Variants in CNTN5 observed in about 807,000 individuals in gnomAD.
CNTN5 encodes contactin 5, also known as contactin-5.
A neutral mutation model predicts 129.1 loss-of-function variants in CNTN5; 77 were observed. The ratio of observed to expected loss-of-function variants is 0.60; its 90% CI spans 0.50 to 0.72. The LOEUF is 0.72. CNTN5 is among the 30% of genes least tolerant of loss of function. The pLI, the probability that CNTN5 is intolerant of heterozygous loss-of-function variation, is 0.00. For missense variants in CNTN5, 1,478 were observed against 1,328.8 expected (o/e 1.11, Z -1.75); for synonymous variants, 509 against 465.6 (o/e 1.09, Z -1.20).
intron 1 of CNTN5, among the ~76,000 whole-genome samples, chr11:99,245,082 T>G (rs1203156424): frequency 6.6e-6 from 1 of 152,084 alleles, no homozygotes; most frequent in African/African-American, 2.4e-5. Flanking sequence ...CAATGAGGCA[T>G]ATGCAAAAAA....
At chr11:99,052,182 ATG>A (rs373164751) in intron 1 of CNTN5, among the ~76,000 whole-genome samples, 11 of 151,926 alleles carry the variant, frequency 7.2e-5, no homozygotes, top group Middle Eastern at 3.4e-3. Flanking sequence ...AATGGTATAA[ATG>A]TGTGTGTATA....
intron 1 of CNTN5, among the ~76,000 whole-genome samples, chr11:99,125,287 A>G (rs1187901133): frequency 1.3e-5 from 2 of 152,118 alleles, no homozygotes; most frequent in Non-Finnish European, 2.9e-5. Context: ...TTCCTGGGAC[A>G]TAAGGTTGGT....
intron 2 of CNTN5, among the ~76,000 whole-genome samples, chr11:99,416,622 C>A (rs540596534): frequency 6.6e-6 from 1 of 151,900 alleles, no homozygotes; most frequent in African/African-American, 2.4e-5. Context: ...TATCTGGGGC[C>A]GGTGTCATGG....
At chr11:99,602,704 C>G (rs971660678) in intron 3 of CNTN5, among the ~76,000 whole-genome samples, 1 of 151,518 alleles carries the variant, frequency 6.6e-6, no homozygotes, top group East Asian at 1.9e-4. Flanking sequence ...CCCTGTCTGA[C>G]AGCTTTGAAG....
intron 13 of CNTN5, among the ~76,000 whole-genome samples, chr11:100,151,427 A>C (rs759222855): frequency 2.1e-4 from 32 of 150,788 alleles, no homozygotes; most frequent in Non-Finnish European, 2.8e-4. Flanking sequence ...AGTTGCCAAA[A>C]TGAGAGTAGG....
chr11:100,101,786 C>T (rs1201550036), intron 13 of CNTN5, among the ~76,000 whole-genome samples: 2 of 152,126 alleles, frequency 1.3e-5, no homozygotes, highest in Non-Finnish European at 1.5e-5. Flanking sequence ...TATGCCTTTG[C>T]ATCCTCGTAG....
intron 1 of CNTN5, among the ~76,000 whole-genome samples, chr11:99,292,212 G>A (rs1204915133): frequency 1.3e-5 from 2 of 148,982 alleles, no homozygotes; most frequent in African/African-American, 5.0e-5. Flanking sequence ...CCTTTGACTA[G>A]GTATAAATAG....
chr11:100,298,397 C>G (rs939546261), intron 19 of CNTN5, among the ~76,000 whole-genome samples: 3 of 151,464 alleles, frequency 2.0e-5, no homozygotes, highest in African/African-American at 7.3e-5. Flanking sequence ...GACCAGATCT[C>G]TCTAAATGGA....
At chr11:99,990,525 ACT>A (rs778128256) in intron 8 of CNTN5, among the ~76,000 whole-genome samples, 4 of 151,214 alleles carry the variant, frequency 2.6e-5, no homozygotes, top group East Asian at 1.9e-4. Context: ...TAATGATAAA[ACT>A]CTCTAGGTTT....
chr11:100,088,337 T>C (rs12808003), intron 13 of CNTN5, among the ~76,000 whole-genome samples: 21,869 of 151,688 alleles, frequency 0.14, 1,828 homozygotes, highest in East Asian at 0.31. Flanking sequence ...ACTAGATAAA[T>C]AAAAACAAAC....
chr11:99,663,924 A>G (rs1217849427), intron 3 of CNTN5, among the ~76,000 whole-genome samples: 2 of 152,178 alleles, frequency 1.3e-5, no homozygotes, highest in Non-Finnish European at 2.9e-5. Flanking sequence ...TTTTAATAGC[A>G]ATCAAAAATT....
chr11:99,093,578 A>G (rs1001397556), intron 1 of CNTN5, among the ~76,000 whole-genome samples: 1 of 151,982 alleles, frequency 6.6e-6, no homozygotes, highest in Non-Finnish European at 1.5e-5. Context: ...AGCTAAATTT[A>G]CAATGCAGAG....
intron 7 of CNTN5, among the ~76,000 whole-genome samples, chr11:99,924,545 G>A (rs1337746385): frequency 6.6e-6 from 1 of 151,936 alleles, no homozygotes; most frequent in Non-Finnish European, 1.5e-5. Context: ...AGATCAATTG[G>A]TTGTGGGTAT....
chr11:100,268,129 A>G (rs975087284), intron 17 of CNTN5, among the ~76,000 whole-genome samples: 4 of 152,150 alleles, frequency 2.6e-5, no homozygotes, highest in Non-Finnish European at 4.4e-5. Flanking sequence ...AGCCTGAGAA[A>G]CCTTCATAAT....
rs146159635 is a variant in CNTN5 at position 99,221,615 on chromosome 11, G to A, written c.-209-103731G>A. 3.7e-3 allele frequency among the ~76,000 whole-genome samples: 555 copies of A among 151,812 alleles called. 2 individuals carry two copies. Among genetic ancestry groups the A allele is most frequent in the African/African-American group, 0.013 (533 of 41,458 alleles). ...TGTTGTATTAAAATTAATAATCATA[G>A]CCTTTTTAACTTTCTGTGTCCCAGG... On this transcript the variant is annotated intron_variant, in intron 1 of 24. Coordinates refer to ENST00000524871, the MANE Select transcript of CNTN5 (RefSeq NM_014361.4).
At chr11:100,024,139 G>A (rs942716876) in intron 9 of CNTN5, among the ~76,000 whole-genome samples, 2 of 152,110 alleles carry the variant, frequency 1.3e-5, no homozygotes, top group Admixed American at 6.5e-5. Flanking sequence ...GGAGGTAACT[G>A]AATCATGAAG....
At chr11:100,145,152 G>T (rs1161218868) in intron 13 of CNTN5, among the ~76,000 whole-genome samples, 1 of 152,068 alleles carries the variant, frequency 6.6e-6, no homozygotes, top group East Asian at 1.9e-4. Flanking sequence ...TAAAACTCAG[G>T]ATAATCATAC....
chr11:99,378,892 G>T (rs1014596372), intron 2 of CNTN5, among the ~76,000 whole-genome samples: 3 of 152,042 alleles, frequency 2.0e-5, no homozygotes, highest in Non-Finnish European at 4.4e-5. Flanking sequence ...ATGGCAATGG[G>T]AGAGTGAATA....
intron 3 of CNTN5, among the ~76,000 whole-genome samples, chr11:99,664,659 G>A (rs1952718073): frequency 1.3e-5 from 2 of 152,136 alleles, no homozygotes; most frequent in South Asian, 4.1e-4. Context: ...CAAATACTTT[G>A]TTGGATCACT....
Sources: gnomAD v4.1 joint callset for allele counts (sites outside exome capture counted in the v4.1 genomes callset) on GRCh38, gnomAD v4.1.1 for gene constraint, MANE v1.5 for transcripts, NCBI Gene and HGNC (gene_info 2026-07-23, HGNC 2026-07-21) for gene names.